The following FBXL7 variants were observed in gnomAD, a reference collection of about 807,000 sequenced individuals.
FBXL7 encodes the protein F-box and leucine rich repeat protein 7, also known as F-box/LRR-repeat protein 7.
FBXL7 carries 12 observed loss-of-function variants against 38.3 expected under a neutral mutation model. The ratio of observed to expected loss-of-function variants is 0.31; its 90% CI spans 0.20 to 0.51. FBXL7 has a LOEUF of 0.51. Among genes scored for constraint, FBXL7 ranks in the 20% least tolerant of loss-of-function variants. The pLI is 0.98. For synonymous variants in FBXL7, 297 were observed against 300.9 expected (o/e 0.99, Z 0.13); for missense variants, 567 against 676.4 (o/e 0.84, Z 1.79).
intron 1 of FBXL7, among the ~76,000 whole-genome samples, chr5:15,576,693 A>T (rs1013941888): frequency 2.0e-4 from 30 of 148,062 alleles, no homozygotes; most frequent in African/African-American, 7.4e-4. Flanking sequence ...AAAAAGATTG[A>T]TTTTTTTTTT....
At chr5:15,672,636 C>G (rs978155342) in intron 2 of FBXL7, among the ~76,000 whole-genome samples, 3 of 150,356 alleles carry the variant, frequency 2.0e-5, no homozygotes, top group African/African-American at 7.4e-5. Context: ...CTCACTACAA[C>G]CTCCGCCTCC....
intron 2 of FBXL7, among the ~76,000 whole-genome samples, chr5:15,882,402 G>A (rs916721679): frequency 3.3e-5 from 5 of 152,138 alleles, no homozygotes; most frequent in African/African-American, 1.2e-4. Flanking sequence ...CACCTGACAT[G>A]TCAGGCTTTC....
intron 2 of FBXL7, among the ~76,000 whole-genome samples, chr5:15,854,537 T>C (rs1295883357): frequency 2.0e-5 from 3 of 152,206 alleles, no homozygotes; most frequent in African/African-American, 7.2e-5. Flanking sequence ...CCAGAACCAG[T>C]TCAAGTTCAA....
intron 2 of FBXL7, among the ~76,000 whole-genome samples, chr5:15,923,931 T>C (rs933146953): frequency 6.6e-6 from 1 of 152,110 alleles, no homozygotes; most frequent in Admixed American, 6.5e-5. Flanking sequence ...TGCTTCAAGA[T>C]GAATACAACC....
At chr5:15,917,745 G>C (rs2126439486) in intron 2 of FBXL7, among the ~76,000 whole-genome samples, 1 of 151,024 alleles carries the variant, frequency 6.6e-6, no homozygotes, top group East Asian at 1.9e-4. Context: ...ACTACTGCCT[G>C]CCAAAGACTT....
intron 2 of FBXL7, among the ~76,000 whole-genome samples, chr5:15,895,622 C>T (rs1420880617): frequency 2.7e-5 from 4 of 149,332 alleles, no homozygotes; most frequent in African/African-American, 5.0e-5. Context: ...TGCTTAGGGC[C>T]CTTTTTCATA....
At chr5:15,708,070 T>A (rs1274247684) in intron 2 of FBXL7, among the ~76,000 whole-genome samples, 2 of 152,222 alleles carry the variant, frequency 1.3e-5, no homozygotes, top group Non-Finnish European at 2.9e-5. Context: ...TGCCAAACAT[T>A]GATGATGTAT....
chr5:15,747,404 C>T (rs1249866506), intron 2 of FBXL7, among the ~76,000 whole-genome samples: 1 of 152,098 alleles, frequency 6.6e-6, no homozygotes, highest in Non-Finnish European at 1.5e-5. Flanking sequence ...AACAGGATTG[C>T]CAAAGTAAAA....
chr5:15,568,306 A>G (rs1369498759), intron 1 of FBXL7, among the ~76,000 whole-genome samples: 4 of 152,118 alleles, frequency 2.6e-5, no homozygotes, highest in African/African-American at 7.2e-5. Context: ...GTGTGAGATG[A>G]TATCTCATAG....
intron 2 of FBXL7, among the ~76,000 whole-genome samples, chr5:15,747,316 T>C (rs930819384): frequency 6.6e-6 from 1 of 152,194 alleles, no homozygotes; most frequent in Non-Finnish European, 1.5e-5. Flanking sequence ...GCTCTACCAA[T>C]CTTAAGCTTT....
chr5:15,602,752 A>G (rs1415492293), intron 1 of FBXL7, among the ~76,000 whole-genome samples: 1 of 152,102 alleles, frequency 6.6e-6, no homozygotes, highest in African/African-American at 2.4e-5. Flanking sequence ...AGAATAAAAT[A>G]CTCTTAAAAA....
intron 2 of FBXL7, among the ~76,000 whole-genome samples, chr5:15,789,448 A>G (rs1737218356): frequency 6.6e-6 from 1 of 152,032 alleles, no homozygotes; most frequent in African/African-American, 2.4e-5. Context: ...CTTTGAGGCA[A>G]CCCCATCCTC....
At chr5:15,562,906 A>G (rs1738455531) in intron 1 of FBXL7, among the ~76,000 whole-genome samples, 1 of 152,176 alleles carries the variant, frequency 6.6e-6, no homozygotes, top group South Asian at 2.1e-4. Flanking sequence ...ATATTCATAC[A>G]TTAGCCATTA....
At chr5:15,851,847 C>G (rs1259877250) in intron 2 of FBXL7, among the ~76,000 whole-genome samples, 3 of 149,740 alleles carry the variant, frequency 2.0e-5, no homozygotes, top group Non-Finnish European at 4.4e-5. Context: ...CACACACACA[C>G]ACAAAGTTCC....
At chr5:15,530,437 G>T (rs1737386682) in intron 1 of FBXL7, among the ~76,000 whole-genome samples, 1 of 152,110 alleles carries the variant, frequency 6.6e-6, no homozygotes. Flanking sequence ...AGCCTTATTT[G>T]TTCATTAAGG....
intron 2 of FBXL7, among the ~76,000 whole-genome samples, chr5:15,680,317 A>G (rs116334785): frequency 0.025 from 3,758 of 152,296 alleles, 63 homozygotes; most frequent in Non-Finnish European, 0.039. Context: ...TGCTAAAGTT[A>G]TAATCAAAAA....
chr5:15,633,624 C>T (rs917526270), intron 2 of FBXL7, among the ~76,000 whole-genome samples: 3 of 151,794 alleles, frequency 2.0e-5, no homozygotes, highest in African/African-American at 7.3e-5. Flanking sequence ...GTCATGTTCT[C>T]ACTCATCAAA....
At chr5:15,885,492 G>A (rs1740639035) in intron 2 of FBXL7, among the ~76,000 whole-genome samples, 1 of 152,144 alleles carries the variant, frequency 6.6e-6, no homozygotes, top group East Asian at 1.9e-4. Flanking sequence ...AGATTCCACT[G>A]GCACCCACGT....
chr5:15,856,796 A>G (rs1223600468), intron 2 of FBXL7, among the ~76,000 whole-genome samples: 2 of 151,182 alleles, frequency 1.3e-5, no homozygotes, highest in Non-Finnish European at 2.9e-5. Context: ...GTGTTTTTCC[A>G]CTTGGCTGTT....
Sources: allele counts gnomAD v4.1 joint callset (sites outside exome capture counted in the v4.1 genomes callset), GRCh38; gene constraint gnomAD v4.1.1; transcripts MANE v1.5; gene names NCBI Gene and HGNC (gene_info 2026-07-23, HGNC 2026-07-21).